Variants in SNAPC1 observed in about 807,000 individuals in gnomAD.
SNAPC1 encodes the protein snRNA-activating protein complex subunit 1.
A neutral mutation model predicts 50.1 loss-of-function variants in SNAPC1; 42 were observed. That is an observed-to-expected ratio of 0.84 (90% CI 0.65 to 1.08). The LOEUF is 1.08. SNAPC1 is among the 50% of genes least tolerant of loss of function. SNAPC1 has a pLI of 0.00. For missense variants in SNAPC1, 477 were observed against 427.3 expected (o/e 1.12, Z -1.02); for synonymous variants, 164 against 144.2 (o/e 1.14, Z -0.98).
intron 4 of SNAPC1, among the ~76,000 whole-genome samples, chr14:61,769,310 C>T (rs1262036219): frequency 2.7e-5 from 4 of 150,698 alleles, no homozygotes; most frequent in African/African-American, 4.9e-5. Flanking sequence ...GAGCTGAGAT[C>T]GCACCGCTGC....
At position 61,778,861 on chromosome 14, in the gene SNAPC1, C is replaced by A. The variant is rs1269263023; in HGVS notation, c.776C>A (p.Ala259Glu). Residue 259 changes from alanine to glutamate, a missense_variant, in exon 7 of 10, where the codon GCA becomes GAA. Transcript: ENST00000216294. Reference sequence around the variant, plus strand: ...TTTTACATCCAGAGATGTGAAAGGGCAGAATCATTAGCGAAAATAAAATCA... The same window carrying A: ...TTTTACATCCAGAGATGTGAAAGGGAAGAATCATTAGCGAAAATAAAATCA... The part of the protein sequence containing the change: ...NSQETERCER[A>E]ESLAKIKSKA... 1.3e-6 allele frequency: 2 copies of A among 1,558,988 alleles called. No homozygotes were observed. Among genetic ancestry groups the A allele is most frequent in the Non-Finnish European group, 1.7e-6 (2 of 1,156,708 alleles).
In SNAPC1 at chr14:61,778,898, A is replaced by G. The variant is rs1395208185; in HGVS notation, c.813A>G (p.Ser271=). The G allele has an allele frequency of 6.5e-7, 1 of 1,546,482 alleles. No individual in the cohort carries two copies. The highest frequency in any genetic ancestry group is 8.8e-7 in the Non-Finnish European group (1 of 1,142,090). The change falls in exon 7 of 10, where the codon TCA becomes TCG. Residue 271 remains serine, a synonymous_variant. Transcript: ENST00000216294. ...SLAKIKSKAF[S]VVIQASKSRR... ...CGAAAATAAAATCAAAGGCCTTTTC[A>G]GTTGTCATACAGGTAAGTTATTCTT... is the stretch of plus-strand genomic sequence containing the variant.
At position 61,776,082 on chromosome 14, in the gene SNAPC1, T is replaced by A. The variant is rs767457612; in HGVS notation, c.535-13T>A. 1 of 1,568,330 alleles carries A rather than the reference T, an allele frequency of 6.4e-7. No individual in the cohort carries two copies. The highest frequency in any genetic ancestry group is 8.6e-7 in the Non-Finnish European group (1 of 1,163,856). On this transcript the variant is annotated splice_polypyrimidine_tract_variant and intron_variant, in intron 4 of 9. Transcript: ENST00000216294. Reference sequence around the variant, plus strand: ...AAAGTGAAGAAATAAAGGACTCATCTTTTTGCTTTTAGGAAATGCTGAATG... The same window carrying A: ...AAAGTGAAGAAATAAAGGACTCATCATTTTGCTTTTAGGAAATGCTGAATG...
chr14:61,763,676 CCT>C (rs1211935399), intron 1 of SNAPC1, among the ~76,000 whole-genome samples: 1 of 151,886 alleles, frequency 6.6e-6, no homozygotes, highest in Admixed American at 6.6e-5. Context: ...CGCATAGCAC[CCT>C]GTTTTTATTT....
chr14:61,786,527 A>G (rs1484675973), intron 8 of SNAPC1, among the ~76,000 whole-genome samples: 1 of 152,230 alleles, frequency 6.6e-6, no homozygotes, highest in East Asian at 1.9e-4. Context: ...GCAAATAATC[A>G]TATGAAAAGA....
At position 61,778,844 on chromosome 14, in the gene SNAPC1, C is replaced by T. The variant is rs147103092; in HGVS notation, c.763-4C>T. 1,273 of 1,549,084 alleles carry T rather than the reference C, an allele frequency of 8.2e-4. 11 individuals are homozygous for T. In the African/African-American group the frequency reaches 0.016, roughly 19 times the overall value. ...CTTTTTTTTCCTTCTTATTTTACAT[C>T]CAGAGATGTGAAAGGGCAGAATCAT... On this transcript the variant is annotated splice_region_variant and splice_polypyrimidine_tract_variant and intron_variant, in intron 6 of 9. Coordinates refer to ENST00000216294, the MANE Select transcript of SNAPC1 (RefSeq NM_003082.4).
chr14:61,769,166 T>A (rs1367141076), intron 4 of SNAPC1, among the ~76,000 whole-genome samples: 3 of 152,010 alleles, frequency 2.0e-5, no homozygotes, highest in Admixed American at 2.0e-4. Flanking sequence ...GAGACTAGCC[T>A]GGCCAATATG....
chr14:61,781,017 G>A (rs2045068046), intron 7 of SNAPC1, among the ~76,000 whole-genome samples: 1 of 152,180 alleles, frequency 6.6e-6, no homozygotes, highest in Middle Eastern at 3.4e-3. Context: ...AAAGTATATG[G>A]GAGGAAGTGC....
intron 1 of SNAPC1, among the ~76,000 whole-genome samples, chr14:61,764,541 A>G (rs937144921): frequency 6.6e-6 from 1 of 152,184 alleles, no homozygotes; most frequent in African/African-American, 2.4e-5. Context: ...TGTTTTATAG[A>G]TGAGGAAATT....
intron 9 of SNAPC1, among the ~76,000 whole-genome samples, chr14:61,793,829 G>C (rs1473125650): frequency 6.6e-6 from 1 of 151,576 alleles, no homozygotes; most frequent in Non-Finnish European, 1.5e-5. Context: ...GCTCATTTTT[G>C]TATTTTTGTA....
Position 61,762,557 on chromosome 14 carries a change from T to G in SNAPC1, c.97T>G (p.Trp33Gly). Reference sequence around the variant, plus strand: ...ACGCTTCGAGGACTTCACGGAGCTCTGGAGAAACATGAAGTTCGGGACTAT... The same window carrying G: ...ACGCTTCGAGGACTTCACGGAGCTCGGGAGAAACATGAAGTTCGGGACTAT... ...SVRFEDFTEL[W>G]RNMKFGTIFC... The change falls in exon 1 of 10, where the codon TGG becomes GGG. Residue 33 changes from tryptophan (W) to glycine (G), a missense_variant. Physicochemically the swap from Trp to Gly is radical, Grantham distance 184. Coordinates refer to ENST00000216294, the MANE Select transcript of SNAPC1 (RefSeq NM_003082.4). The G allele has an allele frequency of 6.6e-7, 1 of 1,505,902 alleles. No individual in the cohort carries two copies. The highest frequency in any genetic ancestry group is 8.9e-7 in the Non-Finnish European group (1 of 1,128,270). The allele number at this position is 1,505,902 out of a possible 1,614,324, so 93.3% of individuals were successfully genotyped here.
intron 8 of SNAPC1, among the ~76,000 whole-genome samples, chr14:61,787,747 A>C (rs2045125443): frequency 6.6e-6 from 1 of 152,252 alleles, no homozygotes; most frequent in Non-Finnish European, 1.5e-5. Context: ...CTACCTATTA[A>C]GCTAGATTGC....
intron 3 of SNAPC1, among the ~76,000 whole-genome samples, chr14:61,767,770 A>C (rs1228902821): frequency 6.8e-6 from 1 of 146,150 alleles, no homozygotes; most frequent in Non-Finnish European, 1.5e-5. Context: ...CCTGGCTTGT[A>C]ACTTTTTTTG....
chr14:61,784,472 A>G (rs2045100601), intron 8 of SNAPC1, among the ~76,000 whole-genome samples: 1 of 151,858 alleles, frequency 6.6e-6, no homozygotes, highest in Non-Finnish European at 1.5e-5. Flanking sequence ...TTAAAAAAAA[A>G]AAATCCTCTA....
intron 4 of SNAPC1, among the ~76,000 whole-genome samples, chr14:61,770,874 T>TGGGACTACAGGTACGC (rs1038870814): frequency 1.1e-4 from 17 of 152,120 alleles, no homozygotes; most frequent in African/African-American, 4.1e-4. Context: ...CTCGAGTAGC[T>TGGGACTACAGGTACGC]GGGACTACAG....
chr14:61,765,461 T>G (rs756317922), intron 1 of SNAPC1, among the ~76,000 whole-genome samples: 3 of 152,132 alleles, frequency 2.0e-5, no homozygotes, highest in Non-Finnish European at 4.4e-5. Flanking sequence ...ATGCAAGAAG[T>G]ACGTTGGTTC....
chr14:61,763,183 G>A (rs1158543743), intron 1 of SNAPC1, among the ~76,000 whole-genome samples: 2 of 151,606 alleles, frequency 1.3e-5, no homozygotes, highest in Non-Finnish European at 2.9e-5. Context: ...AGTAGAGACG[G>A]GGTTTTACTA....
intron 9 of SNAPC1, among the ~76,000 whole-genome samples, chr14:61,794,556 C>T (rs868787329): frequency 6.6e-6 from 1 of 152,104 alleles, no homozygotes; most frequent in Non-Finnish European, 1.5e-5. Context: ...TAGACATGTA[C>T]CACCACGCCC....
intron 7 of SNAPC1, among the ~76,000 whole-genome samples, chr14:61,781,768 T>G (rs2045075280): frequency 6.6e-6 from 1 of 152,212 alleles, no homozygotes; most frequent in African/African-American, 2.4e-5. Context: ...AGCATTTCAT[T>G]AGCCATGATA....
Sources: allele counts gnomAD v4.1 joint callset (sites outside exome capture counted in the v4.1 genomes callset), GRCh38; gene constraint gnomAD v4.1.1; transcripts MANE v1.5; gene names NCBI Gene and HGNC (gene_info 2026-07-23, HGNC 2026-07-21).